Variants in SLIT2 observed in about 807,000 individuals in gnomAD.
SLIT2 encodes slit guidance ligand 2, also known as slit homolog 2 protein.
SLIT2 carries 41 observed loss-of-function variants against 185.7 expected under a neutral mutation model. The observed-to-expected ratio is 0.22, with a 90% CI of 0.17 to 0.29. SLIT2 has a LOEUF of 0.29. Ranked by LOEUF, SLIT2 falls within the 10% of genes least tolerant of loss-of-function variation. SLIT2 has a pLI of 1.00. For synonymous variants in SLIT2, 693 were observed against 680.2 expected, an observed-to-expected ratio of 1.02 and a Z score of -0.29; for missense variants, 1,571 against 1,909.0, an observed-to-expected ratio of 0.82 and a Z score of 3.30.
At chr4:20,579,348 G>A (rs1032920685) in intron 29 of SLIT2, among the ~76,000 whole-genome samples, 1 of 151,160 alleles carries the variant, frequency 6.6e-6, no homozygotes, top group African/African-American at 2.4e-5. Context: ...AAACTTTCCT[G>A]TCTGTAATTA....
At chr4:20,584,063 C>A (rs1726835868) in intron 29 of SLIT2, among the ~76,000 whole-genome samples, 1 of 151,860 alleles carries the variant, frequency 6.6e-6, no homozygotes, top group African/African-American at 2.4e-5. Flanking sequence ...TGTGATACTC[C>A]CTCTGGTAAC....
At chr4:20,368,165 A>G (rs969581622) in intron 4 of SLIT2, among the ~76,000 whole-genome samples, 13 of 151,078 alleles carry the variant, frequency 8.6e-5, no homozygotes, top group Non-Finnish European at 1.3e-4. Flanking sequence ...AATTACTTAC[A>G]TAATCCAACT....
intron 4 of SLIT2, among the ~76,000 whole-genome samples, chr4:20,347,930 G>A (rs1404565612): frequency 6.6e-6 from 1 of 152,098 alleles, no homozygotes; most frequent in Non-Finnish European, 1.5e-5. Flanking sequence ...AGGATTTTAA[G>A]CAATATCATT....
chr4:20,324,042 G>A (rs2109175312), intron 4 of SLIT2, among the ~76,000 whole-genome samples: 1 of 152,252 alleles, frequency 6.6e-6, no homozygotes, highest in East Asian at 1.9e-4. Context: ...GAAACAATAA[G>A]ATTGTGAACA....
At chr4:20,269,140 C>A (rs779786995) in intron 4 of SLIT2, among the ~76,000 whole-genome samples, 1 of 151,578 alleles carries the variant, frequency 6.6e-6, no homozygotes, top group South Asian at 2.1e-4. Context: ...GTGATGATGG[C>A]GAGATTTACC....
intron 4 of SLIT2, among the ~76,000 whole-genome samples, chr4:20,461,223 T>C: frequency 6.6e-6 from 1 of 152,136 alleles, no homozygotes; most frequent in Middle Eastern, 3.2e-3. Flanking sequence ...AGCTGAACGA[T>C]ATGGAAGATC....
chr4:20,441,576 C>G (rs886250026), intron 4 of SLIT2, among the ~76,000 whole-genome samples: 1 of 148,868 alleles, frequency 6.7e-6, no homozygotes, highest in Non-Finnish European at 1.5e-5. Flanking sequence ...CCAGATCCAA[C>G]CCGCACTTGC....
intron 4 of SLIT2, among the ~76,000 whole-genome samples, chr4:20,392,927 G>A (rs1017224490): frequency 1.3e-5 from 2 of 151,924 alleles, no homozygotes; most frequent in Non-Finnish European, 2.9e-5. Flanking sequence ...TTTATTAGTA[G>A]GAGTACATGC....
Position 20,570,507 on chromosome 4 carries a change from C to T in SLIT2, c.3088+1503C>T, listed in dbSNP as rs556460580. Reference sequence around the variant, plus strand: ...CTAATTTAGACTTCTCCAAGAAGCCCGATGTTTGCACTAAAATCTGCTACC... The same window carrying T: ...CTAATTTAGACTTCTCCAAGAAGCCTGATGTTTGCACTAAAATCTGCTACC... On this transcript the variant is annotated intron_variant, in intron 29 of 36. Coordinates refer to ENST00000504154, the MANE Select transcript of SLIT2 (RefSeq NM_004787.4). Among the ~76,000 whole-genome samples, 3 of 151,616 alleles carry T rather than the reference C, an allele frequency of 2.0e-5. No individual in the cohort carries two copies. The South Asian group carries it at 6.3e-4, about 32-fold the overall frequency.
intron 4 of SLIT2, among the ~76,000 whole-genome samples, chr4:20,391,162 T>C (rs1208044393): frequency 6.6e-6 from 1 of 152,092 alleles, no homozygotes; most frequent in Non-Finnish European, 1.5e-5. Flanking sequence ...CTTTTACCTA[T>C]GTAAATTACA....
At chr4:20,583,637 C>T (rs1726789234) in intron 29 of SLIT2, among the ~76,000 whole-genome samples, 1 of 151,934 alleles carries the variant, frequency 6.6e-6, no homozygotes, top group African/African-American at 2.4e-5. Context: ...GGTGACACCT[C>T]ATCTCTACTA....
At chr4:20,287,239 C>T (rs531172786) in intron 4 of SLIT2, among the ~76,000 whole-genome samples, 1 of 152,178 alleles carries the variant, frequency 6.6e-6, no homozygotes, top group Non-Finnish European at 1.5e-5. Context: ...CGTGTATTCA[C>T]TGCCCAAGAA....
intron 4 of SLIT2, among the ~76,000 whole-genome samples, chr4:20,432,517 T>G (rs1729069539): frequency 7.6e-6 from 1 of 131,954 alleles, no homozygotes; most frequent in Non-Finnish European, 1.6e-5. Flanking sequence ...CTGCAGACTG[T>G]CTGCCTTTTT....
At chr4:20,519,935 G>A (rs1001411428) in intron 12 of SLIT2, among the ~76,000 whole-genome samples, 1 of 149,710 alleles carries the variant, frequency 6.7e-6, no homozygotes, top group Non-Finnish European at 1.5e-5. Flanking sequence ...TCAGGAGGCT[G>A]AGGCAGGAGA....
chr4:20,367,917 T>C (rs1723239703), intron 4 of SLIT2, among the ~76,000 whole-genome samples: 1 of 152,112 alleles, frequency 6.6e-6, no homozygotes, highest in Non-Finnish European at 1.5e-5. Flanking sequence ...CTCATTTCAG[T>C]CAGCCTTCGT....
chr4:20,617,214 T>A lies in SLIT2; in HGVS notation c.4136+16T>A, dbSNP rs1424458164. On this transcript the variant is annotated intron_variant, in intron 35 of 36. Transcript: ENST00000504154. ...TTGGAAATAAGTAAGTTCCTGCTGC[T>A]TGGGAGTTGAGCACACACCTGAAAG... 1 of 1,554,736 alleles carries A rather than the reference T, an allele frequency of 6.4e-7. No individual in the cohort carries two copies. Among genetic ancestry groups the A allele is most frequent in the Non-Finnish European group, 8.7e-7 (1 of 1,146,262 alleles).
At chr4:20,433,973 CA>C (rs2109511422) in intron 4 of SLIT2, among the ~76,000 whole-genome samples, 1 of 152,232 alleles carries the variant, frequency 6.6e-6, no homozygotes, top group East Asian at 1.9e-4. Flanking sequence ...AGACTCAGGA[CA>C]TAAAATTTGC....
At position 20,253,536 on chromosome 4, in the gene SLIT2, T is replaced by C; in HGVS notation, c.-280T>C. On this transcript the variant is annotated 5_prime_UTR_variant, in exon 1 of 37. Coordinates refer to ENST00000504154, the MANE Select transcript of SLIT2 (RefSeq NM_004787.4). ...ACGCGTGATCTCCTCTCCGCTGCTC[T>C]TGGGGTCTCCTTGCAGCCCTGGCCA... 2.0e-6 allele frequency: 1 copy of C among 506,108 alleles called. No individual in the cohort carries two copies. Among genetic ancestry groups the C allele is most frequent in the Non-Finnish European group, 3.5e-6 (1 of 282,312 alleles). The allele number at this position is 506,108 out of a possible 1,614,324, so 31.4% of individuals were successfully genotyped here.
chr4:20,441,730 G>T (rs1002570171), intron 4 of SLIT2, among the ~76,000 whole-genome samples: 2 of 152,064 alleles, frequency 1.3e-5, no homozygotes, highest in African/African-American at 4.8e-5. Flanking sequence ...GTAAACATGG[G>T]TCCTACCTGC....
Sources: gnomAD v4.1 joint callset for allele counts (sites outside exome capture counted in the v4.1 genomes callset) on GRCh38, gnomAD v4.1.1 for gene constraint, MANE v1.5 for transcripts, NCBI Gene and HGNC (gene_info 2026-07-23, HGNC 2026-07-21) for gene names.